The following EPPK1 variants were observed in gnomAD, a reference collection of about 807,000 sequenced individuals.
EPPK1 encodes the protein epiplakin.
For missense variants in EPPK1, 3,823 were observed against 3,673.3 expected, an observed-to-expected ratio of 1.04 and a Z score of -1.05; for synonymous variants, 1,862 against 1,721.2, an observed-to-expected ratio of 1.08 and a Z score of -2.03.
intron 1 of EPPK1, among the ~76,000 whole-genome samples, chr8:143,873,620 T>C (rs1819425476): frequency 6.6e-6 from 1 of 151,726 alleles, no homozygotes; most frequent in Admixed American, 6.5e-5. Flanking sequence ...CCCAGGGTCC[T>C]GTGTCCTCGA....
rs1441353153 is a variant in EPPK1 at position 143,868,272 on chromosome 8, A to T, written c.4982T>A (p.Ile1661Asn). 1 of 1,613,000 alleles carries T rather than the reference A, an allele frequency of 6.2e-7. No individual in the cohort carries two copies. The highest frequency in any genetic ancestry group is 1.3e-5 in the African/African-American group (1 of 74,894). The change falls in exon 2 of 2, where the codon ATC becomes AAC. Residue 1661 changes from isoleucine (I) to asparagine (N), a missense_variant. Physicochemically the swap from Ile to Asn is moderately radical, Grantham distance 149. Transcript: ENST00000615648. ...CTTCTGCATGGCCTGGAAGAGGGAG[A>T]TCTGCTGCCCGGTATAGGGGTCGGT... is the stretch of plus-strand genomic sequence containing the variant. The part of the protein sequence containing the change: ...GYTDPYTGQQ[I>N]SLFQAMQKDL...
chr8:143,868,691 GA>G lies in EPPK1; in HGVS notation c.4562del (p.Phe1521SerfsTer18). 1 of 1,581,008 alleles carries G rather than the reference GA, an allele frequency of 6.3e-7. No homozygotes were observed. Among genetic ancestry groups the G allele is most frequent in the Non-Finnish European group, 8.6e-7 (1 of 1,165,946 alleles). ...CTGACACCTGCTTCCGGAGCCCTCT[GA>G]AGGTGGCCTGCAGGGGCTGCCTCTC... The part of the protein sequence containing the change: ...AAERQPLQAT[F>X]RGLRKQVSAR... On this transcript the variant is annotated frameshift_variant, in exon 2 of 2. Transcript: ENST00000615648. LOFTEE classifies it low-confidence loss of function (END_TRUNC).
rs782547917 is a variant in EPPK1 at position 143,869,184 on chromosome 8, T to G, written c.4070A>C (p.Gln1357Pro). The change falls in exon 2 of 2, where the codon CAG becomes CCG. Residue 1357 changes from glutamine (Q) to proline (P), a missense_variant. Coordinates refer to ENST00000615648, the MANE Select transcript of EPPK1 (RefSeq NM_031308.4). ...CACACCCCCTGTGGCCAGCTGCACC[T>G]GCAGGAGGGGCAAGCCCTCGTTCTG... ...VPQNEGLPLLQVQLATGGVVD... is the reference protein window; with the variant it reads ...VPQNEGLPLLPVQLATGGVVD... 20 of 1,608,916 alleles carry G rather than the reference T, an allele frequency of 1.2e-5. No individual in the cohort carries two copies. Among genetic ancestry groups the G allele is most frequent in the Non-Finnish European group, 1.4e-5 (17 of 1,179,638 alleles).
rs1429392538 is a variant in EPPK1, at chr8:143,866,573, C to T, written c.6681G>A (p.Ala2227=). The change falls in exon 2 of 2, where the codon GCG becomes GCA. Residue 2227 remains alanine (A), a synonymous_variant. Transcript: ENST00000615648. ...KRYLEGTSCI[A]GVLVPAKDQP... Reference sequence around the variant, plus strand: ...GGTCCTTGGCGGGCACCAGGACGCCCGCGATGCAGCTGGTGCCCTCCAGGT... The same window carrying T: ...GGTCCTTGGCGGGCACCAGGACGCCTGCGATGCAGCTGGTGCCCTCCAGGT... 4.8e-5 allele frequency: 78 copies of T among 1,610,572 alleles called. No individual in the cohort carries two copies. In the Admixed American group the frequency reaches 4.8e-4, roughly 10 times the overall value.
In EPPK1 at chr8:143,857,893, T is replaced by C. The variant is rs1554657804; in HGVS notation, c.*94A>G. 1.6e-5 allele frequency: 11 copies of C among 707,116 alleles called. No individual in the cohort carries two copies. Among genetic ancestry groups the C allele is most frequent in the Admixed American group, 1.2e-4 (2 of 16,176 alleles). The allele number at this position is 707,116 out of a possible 1,614,324, so 43.8% of individuals were successfully genotyped here. The stretch of plus-strand genomic sequence containing the variant: ...TGGGTAAAACAACAAAATTAAAGAA[T>C]GACAAAAAAAAAAAAAAAAAAAAAA... On this transcript the variant is annotated 3_prime_UTR_variant, in exon 2 of 2. Transcript: ENST00000615648.
In EPPK1 at chr8:143,872,363, G is replaced by T; in HGVS notation, c.891C>A (p.His297Gln). 1 of 1,605,072 alleles carries T rather than the reference G, an allele frequency of 6.2e-7. No homozygotes were observed. The highest frequency in any genetic ancestry group is 8.5e-7 in the Non-Finnish European group (1 of 1,178,738). ...TGGCAGCCTGGAAAAAGCTCTTCTT[G>T]TGGCCTTCGGGCAGCAGGACAACCC... is the stretch of plus-strand genomic sequence containing the variant. ...VAGVVLLPEG[H>Q]KKSFFQAATE... The change falls in exon 2 of 2, where the codon CAC becomes CAA. Residue 297 changes from histidine to glutamine, a missense_variant. Coordinates refer to ENST00000615648, the MANE Select transcript of EPPK1 (RefSeq NM_031308.4).
At chr8:143,874,536 T>G (rs2130656358) in intron 1 of EPPK1, among the ~76,000 whole-genome samples, 1 of 152,272 alleles carries the variant, frequency 6.6e-6, no homozygotes, top group South Asian at 2.1e-4. Context: ...CCAGGACGCC[T>G]GGGGCCCCAG....
Position 143,866,915 on chromosome 8 carries a change from T to C in EPPK1, c.6339A>G (p.Gly2113=), listed in dbSNP as rs782636871. Residue 2113 remains glycine, a synonymous_variant, in exon 2 of 2, where the codon GGA becomes GGG. Coordinates refer to ENST00000615648, the MANE Select transcript of EPPK1 (RefSeq NM_031308.4). ...LEAEQVEITV[G]RFRGQKPTLW... ...GTGTTGGTTTCTGGCCTCTGAACCT[T>C]CCCACTGTGATTTCCACTTGCTCTG... The C allele has an allele frequency of 6.2e-6, 10 of 1,613,040 alleles. No homozygotes were observed. The East Asian group carries it at 1.3e-4, about 22-fold the overall frequency.
At chr8:143,874,034 CTG>C (rs1554662044) in intron 1 of EPPK1, among the ~76,000 whole-genome samples, 5 of 152,248 alleles carry the variant, frequency 3.3e-5, no homozygotes, top group African/African-American at 1.2e-4. Context: ...TATTGCCCCT[CTG>C]AGCCCACACC....
chr8:143,871,714 G>A lies in EPPK1; in HGVS notation c.1540C>T (p.Leu514Phe). 1.2e-6 allele frequency: 2 copies of A among 1,608,442 alleles called. No homozygotes were observed. Among genetic ancestry groups the A allele is most frequent in the South Asian group, 1.1e-5 (1 of 90,718 alleles). The change falls in exon 2 of 2, where the codon CTC becomes TTC. Residue 514 changes from leucine (L) to phenylalanine (F), a missense_variant. Leu to Phe is a conservative substitution (Grantham distance 22). Transcript: ENST00000615648. Reference protein sequence around the residue: ...RGRPVSLWELLFSEAISSEQR... With the variant: ...RGRPVSLWELFFSEAISSEQR... The stretch of plus-strand genomic sequence containing the variant: ...TCTGAGGAGATGGCCTCAGAGAAGA[G>A]CAGCTCCCAGAGGGACACGGGCCGG...
At chr8:143,877,434 C>T (rs560550497) in intron 1 of EPPK1, among the ~76,000 whole-genome samples, 17 of 152,258 alleles carry the variant, frequency 1.1e-4, no homozygotes, top group Admixed American at 7.2e-4. Context: ...GGGAGGAGGC[C>T]GAGCAGATTT....
chr8:143,869,827 A>C lies in EPPK1; in HGVS notation c.3427T>G (p.Ser1143Ala). The C allele has an allele frequency of 6.3e-7, 1 of 1,599,524 alleles. No homozygotes were observed. The highest frequency in any genetic ancestry group is 8.5e-7 in the Non-Finnish European group (1 of 1,174,286). Residue 1143 changes from serine to alanine, a missense_variant, in exon 2 of 2, where the codon TCC (serine) becomes GCC (alanine). Physicochemically the swap from Ser to Ala is moderately conservative, Grantham distance 99 (BLOSUM62 1). Transcript: ENST00000615648. ...QAVPGAKDGT[S>A]LWDLLSSCHF... ...CAGGAGCTGAGCAGGTCCCAGAGGGATGTGCCATCCTTGGCCCCCGGCACG... is the reference window on the plus strand; with the variant it reads ...CAGGAGCTGAGCAGGTCCCAGAGGGCTGTGCCATCCTTGGCCCCCGGCACG...
chr8:143,872,898 G>C lies in EPPK1; in HGVS notation c.356C>G (p.Thr119Ser). The C allele has an allele frequency of 6.2e-7, 1 of 1,605,528 alleles. No individual in the cohort carries two copies. The highest frequency in any genetic ancestry group is 2.2e-5 in the East Asian group (1 of 44,792). ...KEKLLAAERA[T>S]TGYPDPYGGE... ...GCCGTAGGGGTCAGGATAGCCCGTA[G>C]TGGCACGCTCAGCGGCCAGCAGCTT... The change falls in exon 2 of 2, where the codon ACT becomes AGT. Residue 119 changes from threonine (T) to serine (S), a missense_variant. Transcript: ENST00000615648.
At position 143,867,168 on chromosome 8, in the gene EPPK1, G is replaced by A. The variant is rs1328857278; in HGVS notation, c.6086C>T (p.Thr2029Ile). The A allele has an allele frequency of 1.9e-6, 3 of 1,612,712 alleles. No individual in the cohort carries two copies. Among genetic ancestry groups the A allele is most frequent in the African/African-American group, 1.3e-5 (1 of 74,922 alleles). ...PQHHHRLPLE[T>I]AYRRGCLHKD... ...GTGCAGACAGCCCCGTCTGTAGGCTGTTTCCAGTGGGAGCCGGTGGTGGTG... is the reference window on the plus strand; with the variant it reads ...GTGCAGACAGCCCCGTCTGTAGGCTATTTCCAGTGGGAGCCGGTGGTGGTG... Residue 2029 changes from threonine to isoleucine, a missense_variant, in exon 2 of 2, where the codon ACA becomes ATA. By Grantham distance (89) the Thr-to-Ile change is moderately conservative (BLOSUM62 -1). Coordinates refer to ENST00000615648, the MANE Select transcript of EPPK1 (RefSeq NM_031308.4).
At position 143,867,728 on chromosome 8, in the gene EPPK1, G is replaced by A. The variant is rs1554659587; in HGVS notation, c.5526C>T (p.Asn1842=). ...TGATGGCCGCCACTTTGATGCCTTG[G>A]TTTTGCGTCTCTGTTTCTTCAATTG... The part of the protein sequence containing the change: ...TTTIEETETQ[N]QGIKVAAIRG... Residue 1842 remains asparagine, a synonymous_variant, in exon 2 of 2, where the codon AAC becomes AAT. Coordinates refer to ENST00000615648, the MANE Select transcript of EPPK1 (RefSeq NM_031308.4). 1 of 1,613,720 alleles carries A rather than the reference G, an allele frequency of 6.2e-7. No individual in the cohort carries two copies. Among genetic ancestry groups the A allele is most frequent in the Non-Finnish European group, 8.5e-7 (1 of 1,179,860 alleles).
At position 143,867,479 on chromosome 8, in the gene EPPK1, T is replaced by C; in HGVS notation, c.5775A>G (p.Ala1925=). The C allele has an allele frequency of 6.2e-7, 1 of 1,612,568 alleles. No individual in the cohort carries two copies. The highest frequency in any genetic ancestry group is 8.5e-7 in the Non-Finnish European group (1 of 1,179,822). The part of the protein sequence containing the change: ...EASRKELIPA[A]FATWLLEAQA... ...GCGCCTCCAGCAGCCAAGTCGCAAA[T>C]GCTGCAGGGATGAGCTCCTTCCTGC... is the stretch of plus-strand genomic sequence containing the variant. The change falls in exon 2 of 2, where the codon GCA becomes GCG. Residue 1925 remains alanine (A), a synonymous_variant. Transcript: ENST00000615648.
Position 143,858,029 on chromosome 8 carries a change from G to T in EPPK1, c.15225C>A (p.Asp5075Glu), listed in dbSNP as rs1554657909. 1.1e-5 allele frequency: 17 copies of T among 1,612,766 alleles called. No individual in the cohort carries two copies. Among genetic ancestry groups the T allele is most frequent in the Non-Finnish European group, 1.4e-5 (16 of 1,179,764 alleles). ...YLQLLQRATL[D>E]PETGLLFLSL... ...AAAGAAATAGGAGCCCCGTCTCAGG[G>T]TCCAGGGTGGCCCTCTGCAGAAGCT... is the stretch of plus-strand genomic sequence containing the variant. The change falls in exon 2 of 2, where the codon GAC becomes GAA. Residue 5075 changes from aspartate (D) to glutamate (E), a missense_variant. Transcript: ENST00000615648.
At position 143,867,053 on chromosome 8, in the gene EPPK1, C is replaced by A; in HGVS notation, c.6201G>T (p.Glu2067Asp). 1 of 1,612,928 alleles carries A rather than the reference C, an allele frequency of 6.2e-7. No homozygotes were observed. The highest frequency in any genetic ancestry group is 8.5e-7 in the Non-Finnish European group (1 of 1,179,868). ...PNTQEKVSYR[E>D]LQERCRPQED... is the part of the protein sequence containing the mutation. The stretch of plus-strand genomic sequence containing the variant: ...CTTGTGGGCGGCACCTCTCCTGCAG[C>A]TCTCGGTACGAGACCTTCTCTTGCG... Residue 2067 changes from glutamate (E) to aspartate (D), a missense_variant, in exon 2 of 2, where the codon GAG becomes GAT. Transcript: ENST00000615648.
chr8:143,872,874 C>T lies in EPPK1; in HGVS notation c.380G>A (p.Gly127Asp). Residue 127 changes from glycine (G) to aspartate (D), a missense_variant, in exon 2 of 2, where the codon GGC becomes GAC. Physicochemically the swap from Gly to Asp is moderately conservative, Grantham distance 94. Coordinates refer to ENST00000615648, the MANE Select transcript of EPPK1 (RefSeq NM_031308.4). Reference protein sequence around the residue: ...RATTGYPDPYGGEKLALFQAI... With the variant: ...RATTGYPDPYDGEKLALFQAI... ...CTGAAAGAGGGCCAGCTTCTCACCG[C>T]CGTAGGGGTCAGGATAGCCCGTAGT... 6.3e-7 allele frequency: 1 copy of T among 1,585,950 alleles called. No homozygotes were observed. The highest frequency in any genetic ancestry group is 8.6e-7 in the Non-Finnish European group (1 of 1,166,494).
Sources: allele counts gnomAD v4.1 joint callset (sites outside exome capture counted in the v4.1 genomes callset), GRCh38; gene constraint gnomAD v4.1.1; transcripts MANE v1.5; gene names NCBI Gene and HGNC (gene_info 2026-07-23, HGNC 2026-07-21).